KCTD4: variants seen among roughly 807,000 people sequenced by gnomAD.
The protein encoded by KCTD4 is BTB/POZ domain-containing protein KCTD4.
Under a neutral mutation model 18.3 loss-of-function variants are expected in KCTD4, and 12 were observed. The observed-to-expected ratio is 0.66, with a 90% CI of 0.42 to 1.06. KCTD4 has a LOEUF of 1.06. KCTD4 is among the 50% of genes least tolerant of loss of function. The pLI, the probability that KCTD4 is intolerant of heterozygous loss-of-function variation, is 0.00. For synonymous variants in KCTD4, 124 were observed against 110.5 expected (o/e 1.12, Z -0.76); for missense variants, 250 against 303.4 (o/e 0.82, Z 1.31).
At chr13:45,196,781 A>G (rs1872917104) in intron 1 of KCTD4, among the ~76,000 whole-genome samples, 1 of 152,178 alleles carries the variant, frequency 6.6e-6, no homozygotes, top group African/African-American at 2.4e-5. Flanking sequence ...CTTCATGGGA[A>G]GCCCCAATGC....
rs772880987 is a variant in KCTD4, at chr13:45,194,406, G to A, written c.162C>T (p.Tyr54=). ...YITQKQTLTK[Y]PDTFLEGIVN... is the part of the protein sequence containing the mutation. ...CTATACCTTCAAGGAAAGTGTCTGGGTACTTGGTCAGTGTTTGTTTTTGAG... is the reference window on the plus strand; with the variant it reads ...CTATACCTTCAAGGAAAGTGTCTGGATACTTGGTCAGTGTTTGTTTTTGAG... The change falls in exon 2 of 2, where the codon TAC becomes TAT. Residue 54 remains tyrosine (Y), a synonymous_variant. Transcript: ENST00000379108. The A allele has an allele frequency of 1.2e-6, 2 of 1,614,148 alleles. No homozygotes were observed. The highest frequency in any genetic ancestry group is 3.3e-5 in the Admixed American group (2 of 60,014).
At chr13:45,196,056 T>C (rs547616177) in intron 1 of KCTD4, among the ~76,000 whole-genome samples, 1 of 152,364 alleles carries the variant, frequency 6.6e-6, no homozygotes, top group East Asian at 1.9e-4. Flanking sequence ...GAAGAGATTC[T>C]TCTAAAATGC....
At chr13:45,200,575 T>G (rs1365888963) in intron 1 of KCTD4, among the ~76,000 whole-genome samples, 1 of 152,204 alleles carries the variant, frequency 6.6e-6, no homozygotes, top group Admixed American at 6.5e-5. Context: ...ATTACAGATG[T>G]GAGCCACCAT....
In KCTD4 at chr13:45,193,858, C is replaced by T. The variant is rs752365096; in HGVS notation, c.710G>A (p.Arg237Lys). The T allele has an allele frequency of 9.3e-6, 15 of 1,613,942 alleles. No homozygotes were observed. In the South Asian group the frequency reaches 1.5e-4, roughly 17 times the overall value. Residue 237 changes from arginine (R) to lysine (K), a missense_variant, in exon 2 of 2, where the codon AGA (arginine) becomes AAA (lysine). By Grantham distance (26) the Arg-to-Lys change is conservative (BLOSUM62 2). Coordinates refer to ENST00000379108, the MANE Select transcript of KCTD4 (RefSeq NM_198404.3). ...GGAACAATCCAGGCTGGTCAGCAGTCTAAAGCCACACTTTAAAGCCATCAT... is the reference window on the plus strand; with the variant it reads ...GGAACAATCCAGGCTGGTCAGCAGTTTAAAGCCACACTTTAAAGCCATCAT... Reference protein sequence around the residue: ...AIMMALKCGFRLLTSLDCSKG... With the variant: ...AIMMALKCGFKLLTSLDCSKG...
rs770159016 is a variant in KCTD4 at position 45,194,149 on chromosome 13, GTC to G, written c.417_418del (p.Glu139AspfsTer9). On this transcript the variant is annotated frameshift_variant, in exon 2 of 2. Transcript: ENST00000379108. LOFTEE classifies it high-confidence loss of function. Reference sequence around the variant, plus strand: ...GTTATCTGTTATTTCCAAGAAAGTAGTCTCTCTGGGTGTTAGCTGTTCTTTCT... The same window carrying G: ...GTTATCTGTTATTTCCAAGAAAGTAGTCTCTGGGTGTTAGCTGTTCTTTCT... The G allele has an allele frequency of 6.2e-7, 1 of 1,614,072 alleles. No homozygotes were observed. The highest frequency in any genetic ancestry group is 1.3e-5 in the African/African-American group (1 of 75,044).
At position 45,193,494 on chromosome 13, in the gene KCTD4, A is replaced by G. The variant is rs771409844; in HGVS notation, c.*294T>C. The stretch of plus-strand genomic sequence containing the variant: ...TTGTGCAAATACCCAAGACAATCTG[A>G]ATTGAAAGACAGCTTAAGGACAAAT... On this transcript the variant is annotated 3_prime_UTR_variant, in exon 2 of 2. Transcript: ENST00000379108. 38 of 280,128 alleles carry G rather than the reference A, an allele frequency of 1.4e-4. No homozygotes were observed. The highest frequency in any genetic ancestry group is 2.1e-4 in the Non-Finnish European group (31 of 150,386). The allele number at this position is 280,128 out of a possible 1,614,324, so 17.4% of individuals were successfully genotyped here.
Position 45,193,597 on chromosome 13 carries a change from A to G in KCTD4, c.*191T>C. 3 of 539,454 alleles carry G rather than the reference A, an allele frequency of 5.6e-6. No individual in the cohort carries two copies. Among genetic ancestry groups the G allele is most frequent in the African/African-American group, 3.8e-5 (2 of 53,244 alleles). 33.4% of individuals were successfully genotyped at this position (539,454 alleles called of 1,614,324 possible). ...TCATTTTAGGTGGAAGAGTCTGATCAGTAGGAACACCCCAGAGGAAGGACA... is the reference window on the plus strand; with the variant it reads ...TCATTTTAGGTGGAAGAGTCTGATCGGTAGGAACACCCCAGAGGAAGGACA... On this transcript the variant is annotated 3_prime_UTR_variant, in exon 2 of 2. Coordinates refer to ENST00000379108, the MANE Select transcript of KCTD4 (RefSeq NM_198404.3).
intron 1 of KCTD4, among the ~76,000 whole-genome samples, chr13:45,195,337 T>A (rs554968970): frequency 6.6e-6 from 1 of 152,312 alleles, no homozygotes; most frequent in East Asian, 1.9e-4. Context: ...ATTTTTTTGC[T>A]TAAGATTTTC....
chr13:45,192,882 A>G lies in KCTD4; in HGVS notation c.*906T>C, dbSNP rs1349687181. 6.6e-6 allele frequency: 1 copy of G among 152,192 alleles called. No homozygotes were observed. Among genetic ancestry groups the G allele is most frequent in the East Asian group, 1.9e-4 (1 of 5,196 alleles). 9.4% of individuals were successfully genotyped at this position (152,192 alleles called of 1,614,324 possible). ...GAAAATGAACTCCTTTATTATTCTA[A>G]TAACAGATACTCTATTGAGACTAAG... On this transcript the variant is annotated 3_prime_UTR_variant, in exon 2 of 2. Transcript: ENST00000379108.
chr13:45,199,896 A>C (rs1359892354), intron 1 of KCTD4, among the ~76,000 whole-genome samples: 6 of 152,156 alleles, frequency 3.9e-5, no homozygotes, highest in African/African-American at 7.2e-5. Context: ...GGTGTGGAGA[A>C]GAGAGAAGAG....
intron 1 of KCTD4, among the ~76,000 whole-genome samples, chr13:45,198,296 G>C (rs1873003166): frequency 6.6e-6 from 1 of 152,190 alleles, no homozygotes; most frequent in Admixed American, 6.5e-5. Context: ...GATTGATGCA[G>C]GACATCATTG....
At position 45,194,244 on chromosome 13, in the gene KCTD4, T is replaced by C. The variant is rs1341755658; in HGVS notation, c.324A>G (p.Gln108=). 1 of 1,614,138 alleles carries C rather than the reference T, an allele frequency of 6.2e-7. No individual in the cohort carries two copies. The highest frequency in any genetic ancestry group is 8.5e-7 in the Non-Finnish European group (1 of 1,179,988). ...AGAATTCTGCTTCTTGTGCAAGAAG[T>C]TGATTTTCTCGAAACCCTTCGGGCA... ...LLLPEGFREN[Q]LLAQEAEFFQ... The change falls in exon 2 of 2, where the codon CAA becomes CAG. Residue 108 remains glutamine (Q), a synonymous_variant. Coordinates refer to ENST00000379108, the MANE Select transcript of KCTD4 (RefSeq NM_198404.3).
chr13:45,196,272 T>C (rs1872886679), intron 1 of KCTD4, among the ~76,000 whole-genome samples: 1 of 152,216 alleles, frequency 6.6e-6, no homozygotes, highest in African/African-American at 2.4e-5. Flanking sequence ...AAAGATAACA[T>C]TGCATTCCAG....
intron 1 of KCTD4, among the ~76,000 whole-genome samples, chr13:45,198,543 A>G (rs753768882): frequency 1.3e-5 from 2 of 152,184 alleles, no homozygotes; most frequent in Non-Finnish European, 2.9e-5. Flanking sequence ...CTCCCCTGCT[A>G]TCAAATCTTG....
At position 45,194,533 on chromosome 13, in the gene KCTD4, T is replaced by A; in HGVS notation, c.35A>T (p.Lys12Met). The A allele has an allele frequency of 6.2e-7, 1 of 1,612,930 alleles. No individual in the cohort carries two copies. Among genetic ancestry groups the A allele is most frequent in the Non-Finnish European group, 8.5e-7 (1 of 1,179,514 alleles). ...GCTGTTGTGTTTCCCTTCATACTCC[T>A]TTTCTTTTTCTCTTCTGTTTATTTT... ...ERKINRREKE[K>M]EYEGKHNSLE... Residue 12 changes from lysine to methionine, a missense_variant, in exon 2 of 2, where the codon AAG (lysine) becomes ATG (methionine). Coordinates refer to ENST00000379108, the MANE Select transcript of KCTD4 (RefSeq NM_198404.3).
intron 1 of KCTD4, among the ~76,000 whole-genome samples, chr13:45,195,271 T>C (rs1305674742): frequency 6.6e-6 from 1 of 152,092 alleles, no homozygotes; most frequent in South Asian, 2.1e-4. Flanking sequence ...TTTTTTATTA[T>C]TTTATTTACC....
chr13:45,199,219 C>A lies in KCTD4; in HGVS notation c.-188+1605G>T, dbSNP rs180764406. ...ATTTTGCAGTGTTGAACTGCGTCTT[C>A]AAGGAAGCCCAGGAAAATTGCCTAC... On this transcript the variant is annotated intron_variant, in intron 1 of 1. Coordinates refer to ENST00000379108, the MANE Select transcript of KCTD4 (RefSeq NM_198404.3). Among the ~76,000 whole-genome samples the A allele has an allele frequency of 3.3e-5, 5 of 152,308 alleles. No homozygotes were observed. In the East Asian group the frequency reaches 9.6e-4, roughly 29 times the overall value.
chr13:45,199,937 T>C (rs951826360), intron 1 of KCTD4, among the ~76,000 whole-genome samples: 1 of 152,280 alleles, frequency 6.6e-6, no homozygotes, highest in African/African-American at 2.4e-5. Context: ...ATGTGATGGC[T>C]CAAGGGAGCA....
chr13:45,196,069 ACTT>A (rs1335924825), intron 1 of KCTD4, among the ~76,000 whole-genome samples: 1 of 152,226 alleles, frequency 6.6e-6, no homozygotes, highest in East Asian at 1.9e-4. Flanking sequence ...TAAAATGCAT[ACTT>A]CTTATTTTCT....
Sources: allele counts gnomAD v4.1 joint callset (sites outside exome capture counted in the v4.1 genomes callset), GRCh38; gene constraint gnomAD v4.1.1; transcripts MANE v1.5; gene names NCBI Gene and HGNC (gene_info 2026-07-23, HGNC 2026-07-21).